Variants in CSMD1 observed in about 807,000 individuals in gnomAD.
CSMD1 encodes CUB and Sushi multiple domains 1.
CSMD1 carries 213 observed loss-of-function variants against 417.5 expected under a neutral mutation model. The observed-to-expected ratio is 0.51, with a 90% CI of 0.46 to 0.57. The LOEUF (loss-of-function observed/expected upper bound fraction) is 0.57, where lower values mean the gene tolerates loss of function less well. Among genes scored for constraint, CSMD1 ranks in the 20% least tolerant of loss-of-function variants. The pLI is 0.00. For missense variants in CSMD1, 6,923 were observed against 4,529.7 expected (o/e 1.53, Z -15.17); for synonymous variants, 2,862 against 1,736.8 (o/e 1.65, Z -16.11).
At chr8:3,499,111 A>C (rs1796487240) in intron 10 of CSMD1, among the ~76,000 whole-genome samples, 1 of 152,170 alleles carries the variant, frequency 6.6e-6, no homozygotes, top group South Asian at 2.1e-4. Context: ...CTGACAAAAC[A>C]ATTTCTCCTA....
At chr8:4,327,021 A>C (rs1275074696) in intron 3 of CSMD1, among the ~76,000 whole-genome samples, 1 of 152,192 alleles carries the variant, frequency 6.6e-6, no homozygotes, top group African/African-American at 2.4e-5. Context: ...GAACCAGACC[A>C]CAGAAGGTCA....
chr8:3,702,737 C>A (rs1454327220), intron 7 of CSMD1, among the ~76,000 whole-genome samples: 1 of 152,168 alleles, frequency 6.6e-6, no homozygotes, highest in African/African-American at 2.4e-5. Flanking sequence ...GAGGCTGAGG[C>A]AGGAGAATCG....
chr8:4,585,425 C>G (rs1799650367), intron 2 of CSMD1, among the ~76,000 whole-genome samples: 1 of 152,038 alleles, frequency 6.6e-6, no homozygotes, highest in Non-Finnish European at 1.5e-5. Context: ...GAATGACTGT[C>G]ACAAAACGTG....
At chr8:3,459,810 T>C (rs1816385612) in intron 12 of CSMD1, among the ~76,000 whole-genome samples, 2 of 152,106 alleles carry the variant, frequency 1.3e-5, no homozygotes. Context: ...AGAAACAGTC[T>C]GTGTTGACTC....
chr8:3,833,038 G>C (rs1049502489), intron 5 of CSMD1, among the ~76,000 whole-genome samples: 3 of 152,092 alleles, frequency 2.0e-5, no homozygotes, highest in Non-Finnish European at 4.4e-5. Context: ...ATAAAGTAGT[G>C]AGGGCTTTCC....
chr8:4,991,966 AG>A, intron 1 of CSMD1, among the ~76,000 whole-genome samples: 1 of 152,178 alleles, frequency 6.6e-6, no homozygotes, highest in African/African-American at 2.4e-5. Flanking sequence ...GCTACGTCCG[AG>A]CGTCCTGGAC....
At chr8:3,456,349 T>G (rs1207586610) in intron 12 of CSMD1, among the ~76,000 whole-genome samples, 3 of 148,456 alleles carry the variant, frequency 2.0e-5, no homozygotes, top group African/African-American at 7.6e-5. Context: ...ACGAGGTACC[T>G]CAGTTAGAAA....
At chr8:4,126,501 G>T (rs1046494765) in intron 3 of CSMD1, among the ~76,000 whole-genome samples, 2 of 152,164 alleles carry the variant, frequency 1.3e-5, no homozygotes, top group African/African-American at 4.8e-5. Flanking sequence ...GGGCACACTG[G>T]AAGCAGGAGG....
At chr8:4,275,553 A>C (rs1031211869) in intron 3 of CSMD1, among the ~76,000 whole-genome samples, 1 of 152,162 alleles carries the variant, frequency 6.6e-6, no homozygotes, top group Non-Finnish European at 1.5e-5. Context: ...AACTTCCAAA[A>C]CTTCTGAGTG....
Position 4,062,893 on chromosome 8 carries a change from G to A in CSMD1, c.416-30794C>T, listed in dbSNP as rs565256736. ...TGTACGTAATACTGAAGAGTAAACT[G>A]CAGCAATATTACTGATCATTGCAAA... On this transcript the variant is annotated intron_variant, in intron 3 of 69. Coordinates refer to ENST00000635120, the MANE Select transcript of CSMD1 (RefSeq NM_033225.6). 1.7e-3 allele frequency among the ~76,000 whole-genome samples: 246 copies of A among 147,852 alleles called. 2 individuals are homozygous for A. The highest frequency in any genetic ancestry group is 5.9e-3 in the African/African-American group (234 of 39,944).
At chr8:4,395,927 G>T (rs7844370) in intron 3 of CSMD1, among the ~76,000 whole-genome samples, 1 of 152,166 alleles carries the variant, frequency 6.6e-6, no homozygotes, top group South Asian at 2.1e-4. Context: ...GACAGTTTTT[G>T]TAACCGTTGA....
At chr8:4,788,251 C>G in intron 1 of CSMD1, 1 of 1,587,382 alleles carries the variant, frequency 6.3e-7, no homozygotes, top group Non-Finnish European at 8.6e-7. Context: ...AGGGTTAAAG[C>G]TGAGTATGAA....
chr8:3,826,315 G>A (rs1041202177), intron 5 of CSMD1, among the ~76,000 whole-genome samples: 1 of 139,112 alleles, frequency 7.2e-6, no homozygotes, highest in African/African-American at 2.6e-5. Context: ...TGTCTTAACT[G>A]GGGGCTTGAA....
intron 3 of CSMD1, among the ~76,000 whole-genome samples, chr8:4,313,963 G>A (rs142637627): frequency 7.9e-5 from 12 of 151,798 alleles, no homozygotes; most frequent in African/African-American, 2.4e-4. Context: ...GCAGCGAGCC[G>A]AGACTGCGCC....
At chr8:3,656,780 G>C (rs577630109) in intron 7 of CSMD1, among the ~76,000 whole-genome samples, 1 of 152,046 alleles carries the variant, frequency 6.6e-6, no homozygotes, top group Non-Finnish European at 1.5e-5. Flanking sequence ...CCAAAAATTA[G>C]GCAGATGTGG....
At chr8:3,314,428 T>C (rs978745252) in intron 23 of CSMD1, among the ~76,000 whole-genome samples, 7 of 152,194 alleles carry the variant, frequency 4.6e-5, no homozygotes, top group Non-Finnish European at 1.0e-4. Flanking sequence ...TTTTCTATCT[T>C]GAAGCCACTA....
chr8:2,966,720 G>T lies in CSMD1; in HGVS notation c.8950C>A (p.Pro2984Thr). 1 of 1,613,640 alleles carries T rather than the reference G, an allele frequency of 6.2e-7. No individual in the cohort carries two copies. The highest frequency in any genetic ancestry group is 8.5e-7 in the Non-Finnish European group (1 of 1,179,794). The change falls in exon 58 of 70, where the codon CCC (proline) becomes ACC (threonine). Residue 2984 changes from proline to threonine, a missense_variant. Transcript: ENST00000635120. ...EAVSCGNPGT[P>T]TNGMIVSSDG... ...CTACTGACAATCATTCCGTTGGTGG[G>T]TGTGCCAGGGTTGCCACAGGACACG...
intron 5 of CSMD1, among the ~76,000 whole-genome samples, chr8:3,861,410 G>C (rs752311933): frequency 5.9e-5 from 9 of 152,170 alleles, no homozygotes; most frequent in Non-Finnish European, 8.8e-5. Context: ...AAATAACCCT[G>C]ATTGGTAAAT....
Position 3,409,443 on chromosome 8 carries a change from C to G in CSMD1, c.1724G>C (p.Gly575Ala), listed in dbSNP as rs747280839. 15 of 1,610,550 alleles carry G rather than the reference C, an allele frequency of 9.3e-6. No homozygotes were observed. Among genetic ancestry groups the G allele is most frequent in the Non-Finnish European group, 1.3e-5 (15 of 1,178,476 alleles). The change falls in exon 13 of 70, where the codon GGC (glycine) becomes GCC (alanine). Residue 575 changes from glycine to alanine, a missense_variant. Physicochemically the swap from Gly to Ala is moderately conservative, Grantham distance 60. Transcript: ENST00000635120. ...CTCACATACACAGCTGGGCTTGTTG[C>G]CAGACCACTGATTGTTCTGCTGACA... is the stretch of plus-strand genomic sequence containing the variant. The part of the protein sequence containing the change: ...ITCQQNNQWS[G>A]NKPSCVFSCF...
Sources: allele counts gnomAD v4.1 joint callset (sites outside exome capture counted in the v4.1 genomes callset), GRCh38; gene constraint gnomAD v4.1.1; transcripts MANE v1.5; gene names NCBI Gene and HGNC (gene_info 2026-07-23, HGNC 2026-07-21).